The following CAP2 variants were observed in gnomAD, a reference collection of about 807,000 sequenced individuals.
The protein encoded by CAP2 is adenylyl cyclase-associated protein 2.
In CAP2, 24 loss-of-function variants were observed where a neutral mutation model predicts 57.7. The observed-to-expected ratio is 0.42, with a 90% CI of 0.30 to 0.58. The LOEUF (loss-of-function observed/expected upper bound fraction) is 0.58, where lower values mean the gene tolerates loss of function less well. Among genes scored for constraint, CAP2 ranks in the 20% least tolerant of loss-of-function variants. The pLI, the probability that CAP2 is intolerant of heterozygous loss-of-function variation, is 0.22. For synonymous variants in CAP2, 194 were observed against 207.2 expected, an observed-to-expected ratio of 0.94 and a Z score of 0.55; for missense variants, 501 against 590.3, an observed-to-expected ratio of 0.85 and a Z score of 1.57.
At chr6:17,485,673 A>G (rs115048607) in intron 4 of CAP2, among the ~76,000 whole-genome samples, 1 of 152,214 alleles carries the variant, frequency 6.6e-6, no homozygotes, top group African/African-American at 2.4e-5. Flanking sequence ...TTTCCAAAAA[A>G]TATATGCATT....
intron 7 of CAP2, among the ~76,000 whole-genome samples, chr6:17,521,185 C>T (rs968304614): frequency 2.0e-5 from 3 of 151,970 alleles, no homozygotes; most frequent in Admixed American, 6.6e-5. Flanking sequence ...GAGGCCGAGG[C>T]GGGCAGATCA....
intron 4 of CAP2, among the ~76,000 whole-genome samples, chr6:17,483,052 C>T (rs1007387258): frequency 2.6e-5 from 4 of 152,236 alleles, no homozygotes; most frequent in Non-Finnish European, 4.4e-5. Flanking sequence ...AAGCTTTCAT[C>T]GTGAGCCCAT....
In CAP2 at chr6:17,526,210, C is replaced by T. The variant is rs551338715; in HGVS notation, c.636+12256C>T. ...TCAGCTCACTGCAACCTCCACCTCC[C>T]GGGTTCAAGCTATTCTCCTGCCTCA... On this transcript the variant is annotated intron_variant, in intron 7 of 12. Coordinates refer to ENST00000229922, the MANE Select transcript of CAP2 (RefSeq NM_006366.3). Among the ~76,000 whole-genome samples, 187 of 151,922 alleles carry T rather than the reference C, an allele frequency of 1.2e-3. 1 individual carries two copies. The highest frequency in any genetic ancestry group is 2.2e-3 in the Non-Finnish European group (147 of 67,944).
chr6:17,399,355 G>A (rs981677357), intron 1 of CAP2, among the ~76,000 whole-genome samples: 38 of 152,148 alleles, frequency 2.5e-4, no homozygotes, highest in African/African-American at 6.0e-4. Context: ...GAGCCACCAC[G>A]CCCGGCCTAC....
intron 3 of CAP2, 101 bp from the exon 4 acceptor site, chr6:17,462,895 A>C: frequency 1.2e-6 from 1 of 845,780 alleles, no homozygotes. Context: ...ATATATTTTC[A>C]TTTTTCTTGG....
chr6:17,496,644 C>T (rs1761675374), intron 4 of CAP2, among the ~76,000 whole-genome samples: 1 of 152,126 alleles, frequency 6.6e-6, no homozygotes, highest in African/African-American at 2.4e-5. Context: ...CTGAGAATAA[C>T]AAACAATGGA....
intron 1 of CAP2, among the ~76,000 whole-genome samples, chr6:17,409,902 C>T (rs776224902): frequency 6.6e-6 from 1 of 152,150 alleles, no homozygotes; most frequent in Non-Finnish European, 1.5e-5. Context: ...AACCCGCTGT[C>T]ACTTTATTCC....
intron 1 of CAP2, among the ~76,000 whole-genome samples, chr6:17,398,898 G>T (rs1406458626): frequency 6.6e-6 from 1 of 152,036 alleles, no homozygotes; most frequent in Admixed American, 6.6e-5. Flanking sequence ...CATTATTATT[G>T]TCCATCTCCA....
intron 4 of CAP2, among the ~76,000 whole-genome samples, chr6:17,465,785 T>C (rs1452943147): frequency 1.3e-5 from 2 of 152,146 alleles, no homozygotes; most frequent in Non-Finnish European, 2.9e-5. Flanking sequence ...GTAATTTATA[T>C]AGCATTTTCA....
chr6:17,516,303 C>T (rs1318687875), intron 7 of CAP2, among the ~76,000 whole-genome samples: 1 of 152,314 alleles, frequency 6.6e-6, no homozygotes, highest in East Asian at 1.9e-4. Flanking sequence ...TAGTATAGTG[C>T]CTGGCACAGA....
chr6:17,545,638 G>A (rs1763024869), intron 11 of CAP2, among the ~76,000 whole-genome samples: 1 of 152,100 alleles, frequency 6.6e-6, no homozygotes, highest in Non-Finnish European at 1.5e-5. Context: ...ATGTTGGTGT[G>A]CTGCACCCAT....
chr6:17,418,699 T>C lies in CAP2; in HGVS notation c.-1-2856T>C, dbSNP rs562482562. 1.6e-3 allele frequency among the ~76,000 whole-genome samples: 239 copies of C among 152,200 alleles called. 1 individual carries two copies. Among genetic ancestry groups the C allele is most frequent in the Non-Finnish European group, 3.1e-3 (211 of 68,022 alleles). On this transcript the variant is annotated intron_variant, in intron 1 of 12. Transcript: ENST00000229922. Reference sequence around the variant, plus strand: ...TTTTTTCTATCGCAGGCTAGGTCTATGGTGGTAACATTTGGCAAGTTGAGT... The same window carrying C: ...TTTTTTCTATCGCAGGCTAGGTCTACGGTGGTAACATTTGGCAAGTTGAGT...
chr6:17,511,889 G>T (rs16879770), intron 6 of CAP2, among the ~76,000 whole-genome samples: 11,028 of 152,074 alleles, frequency 0.073, 569 homozygotes, highest in East Asian at 0.23. Flanking sequence ...CTGAAGATAG[G>T]TTTGCAGCTC....
chr6:17,474,487 A>G (rs1234771328), intron 4 of CAP2, among the ~76,000 whole-genome samples: 2 of 151,364 alleles, frequency 1.3e-5, no homozygotes, highest in African/African-American at 4.9e-5. Context: ...AATTTCCTCA[A>G]CTCCATTAAT....
rs139314619 is a variant in CAP2, at chr6:17,499,848, C to CATAAATAAATAAATAA, written c.301-7303_301-7288dup. Among the ~76,000 whole-genome samples, 947 of 142,676 alleles carry CATAAATAAATAAATAA rather than the reference C, an allele frequency of 6.6e-3. 8 individuals carry two copies. Among genetic ancestry groups the CATAAATAAATAAATAA allele is most frequent in the African/African-American group, 0.013 (481 of 38,112 alleles). 93.6% of individuals were successfully genotyped at this position (142,676 alleles called of 152,430 possible). A position where few individuals can be genotyped will look rare whatever the true frequency, so the allele number is the denominator to read the frequency against. On this transcript the variant is annotated intron_variant, in intron 4 of 12. Coordinates refer to ENST00000229922, the MANE Select transcript of CAP2 (RefSeq NM_006366.3). ...CCTGGGTGACAGAGTGAGACCCTGTCATAAATAAATAAATAAATAAATAAA... is the reference window on the plus strand; with the variant it reads ...CCTGGGTGACAGAGTGAGACCCTGTCATAAATAAATAAATAAATAAATAAATAAATAAATAAATAAA...
At chr6:17,447,297 G>T (rs779216102) in intron 3 of CAP2, among the ~76,000 whole-genome samples, 1 of 152,088 alleles carries the variant, frequency 6.6e-6, no homozygotes, top group Non-Finnish European at 1.5e-5. Flanking sequence ...TGGCATTAGA[G>T]ATTTGAGCCA....
At chr6:17,529,801 G>A (rs1172792622) in intron 7 of CAP2, among the ~76,000 whole-genome samples, 1 of 151,810 alleles carries the variant, frequency 6.6e-6, no homozygotes, top group Non-Finnish European at 1.5e-5. Context: ...CTATATGAGA[G>A]GCTTATCATG....
chr6:17,450,737 A>G (rs1760379763), intron 3 of CAP2, among the ~76,000 whole-genome samples: 1 of 152,190 alleles, frequency 6.6e-6, no homozygotes, highest in East Asian at 1.9e-4. Flanking sequence ...TTGCAAAACT[A>G]TTTAGCCTTA....
chr6:17,547,922 G>A (rs1763086649), intron 11 of CAP2, among the ~76,000 whole-genome samples: 1 of 151,104 alleles, frequency 6.6e-6, no homozygotes, highest in Non-Finnish European at 1.5e-5. Context: ...AGACAAAAAT[G>A]CCCTTATTTC....
Sources: allele counts gnomAD v4.1 joint callset (sites outside exome capture counted in the v4.1 genomes callset), GRCh38; gene constraint gnomAD v4.1.1; transcripts MANE v1.5; gene names NCBI Gene and HGNC (gene_info 2026-07-23, HGNC 2026-07-21).